GALNT6: variants seen among roughly 807,000 people sequenced by gnomAD.
GALNT6 encodes the protein polypeptide N-acetylgalactosaminyltransferase 6, also known as GalNAc transferase 6.
A neutral mutation model predicts 65.9 loss-of-function variants in GALNT6; 51 were observed. That is an observed-to-expected ratio of 0.77 (90% confidence interval 0.62 to 0.98). The LOEUF (loss-of-function observed/expected upper bound fraction) is 0.98. GALNT6 is among the 50% of genes least tolerant of loss of function. GALNT6 has a pLI of 0.00. For synonymous variants in GALNT6, 323 were observed against 315.1 expected (o/e 1.02, Z -0.26); for missense variants, 708 against 803.3 (o/e 0.88, Z 1.43).
In GALNT6 at chr12:51,359,265, T is replaced by C. The variant is rs765176939; in HGVS notation, c.1235A>G (p.Lys412Arg). ...CSVVGHVFRT[K>R]SPHTFPKGTS... ...GCCCTTGGGGAAGGTGTGGGGGCTC[T>C]TGGTCCGGAACACATGGCCTACGAC... Residue 412 changes from lysine (K) to arginine (R), a missense_variant, in exon 8 of 12, where the codon AAG becomes AGG. By Grantham distance (26) the Lys-to-Arg change is conservative (BLOSUM62 2). Transcript: ENST00000356317. The C allele has an allele frequency of 6.2e-7, 1 of 1,614,154 alleles. No individual in the cohort carries two copies. Among genetic ancestry groups the C allele is most frequent in the African/African-American group, 1.3e-5 (1 of 75,056 alleles).
intron 6 of GALNT6, 26 bp downstream of exon 6, chr12:51,364,095 G>A (rs762477181): frequency 2.0e-6 from 3 of 1,534,784 alleles, no homozygotes; most frequent in Non-Finnish European, 2.7e-6. Flanking sequence ...GGCCAGGTTG[G>A]GGGCTCACCA....
At chr12:51,384,698 A>G (rs1007029865) in intron 2 of GALNT6, among the ~76,000 whole-genome samples, 11 of 150,998 alleles carry the variant, frequency 7.3e-5, no homozygotes, top group African/African-American at 2.7e-4. Flanking sequence ...TCTCAAAAAA[A>G]AAAAAAAAAA....
chr12:51,389,703 C>T (rs1003337306), intron 2 of GALNT6, among the ~76,000 whole-genome samples: 2 of 152,234 alleles, frequency 1.3e-5, no homozygotes, highest in East Asian at 3.8e-4. Flanking sequence ...TTAGCTGCCC[C>T]TCCTGGTCCT....
At chr12:51,382,447 G>C (rs112862854) in intron 2 of GALNT6, 1 of 153,052 alleles carries the variant, frequency 6.5e-6, no homozygotes, top group South Asian at 2.1e-4. Flanking sequence ...ACTAACTGGC[G>C]AGTAGGAGTC....
rs201689030 is a variant in GALNT6 at position 51,357,402 on chromosome 12, G to T, written c.1549C>A (p.Arg517Ser). 1 of 1,614,066 alleles carries T rather than the reference G, an allele frequency of 6.2e-7. No homozygotes were observed. The highest frequency in any genetic ancestry group is 1.1e-5 in the South Asian group (1 of 91,080). Reference protein sequence around the residue: ...NQCLDVGENNRGGKPLIMYSC... With the variant: ...NQCLDVGENNSGGKPLIMYSC... Reference sequence around the variant, plus strand: ...TACATGATGAGGGGCTTCCCCCCGCGGTTGTTCTCACCCACATCCAGGCAT... The same window carrying T: ...TACATGATGAGGGGCTTCCCCCCGCTGTTGTTCTCACCCACATCCAGGCAT... The change falls in exon 10 of 12, where the codon CGC becomes AGC. Residue 517 changes from arginine to serine, a missense_variant. Arg to Ser is a moderately radical substitution (Grantham distance 110). Coordinates refer to ENST00000356317, the MANE Select transcript of GALNT6 (RefSeq NM_007210.4).
At chr12:51,364,398 C>T (rs920274872) in intron 5 of GALNT6, 43 bp from the exon 6 acceptor site, 6 of 1,358,862 alleles carry the variant, frequency 4.4e-6, no homozygotes, top group African/African-American at 1.4e-5. Flanking sequence ...GCCCTGCCCA[C>T]AGCAGAGCCC....
chr12:51,359,076 G>T, intron 8 of GALNT6, 56 bp downstream of exon 8: 2 of 1,394,930 alleles, frequency 1.4e-6, no homozygotes, highest in East Asian at 2.3e-5. Context: ...CATGAACAGG[G>T]TCTGGGGGCC....
intron 3 of GALNT6, among the ~76,000 whole-genome samples, chr12:51,379,037 T>G (rs530592239): frequency 6.6e-6 from 1 of 152,244 alleles, no homozygotes; most frequent in African/African-American, 2.4e-5. Flanking sequence ...TTCCACATCA[T>G]CTCACTTTCA....
At chr12:51,359,506 C>G (rs1263199141) in intron 7 of GALNT6, 174 bp from the exon 8 acceptor site, 3 of 534,880 alleles carry the variant, frequency 5.6e-6, no homozygotes, top group Non-Finnish European at 1.0e-5. Flanking sequence ...TAGGCCATGA[C>G]TACACGATCC....
Position 51,354,426 on chromosome 12 carries a change from C to A in GALNT6, c.1822G>T (p.Ala608Ser). The change falls in exon 12 of 12, where the codon GCC (alanine) becomes TCC (serine). Residue 608 changes from alanine (A) to serine (S), a missense_variant. Physicochemically the swap from Ala to Ser is moderately conservative, Grantham distance 99. Transcript: ENST00000356317. Reference protein sequence around the residue: ...LTSQDKKPAMAPCNPSDPHQL... With the variant: ...LTSQDKKPAMSPCNPSDPHQL... ...TGGGGGTCACTGGGATTGCAGGGGG[C>A]CATGGCTGGCTTTTTGTCCTGGGAT... The A allele has an allele frequency of 6.3e-7, 1 of 1,591,334 alleles. No individual in the cohort carries two copies. Among genetic ancestry groups the A allele is most frequent in the Non-Finnish European group, 8.5e-7 (1 of 1,171,218 alleles).
intron 2 of GALNT6, among the ~76,000 whole-genome samples, chr12:51,390,378 G>T (rs1181515871): frequency 2.0e-5 from 3 of 151,888 alleles, no homozygotes; most frequent in African/African-American, 7.3e-5. Flanking sequence ...TGGCCAGGCT[G>T]GTCTCGAACT....
chr12:51,376,507 C>T (rs1288572963), intron 4 of GALNT6, among the ~76,000 whole-genome samples: 8 of 151,962 alleles, frequency 5.3e-5, no homozygotes, highest in Non-Finnish European at 1.0e-4. Flanking sequence ...GTGGCACATG[C>T]CTGTAATCCC....
Position 51,360,858 on chromosome 12 carries a change from A to G in GALNT6, c.1050-20T>C. The G allele has an allele frequency of 1.3e-6, 2 of 1,517,840 alleles. No homozygotes were observed. Among genetic ancestry groups the G allele is most frequent in the Non-Finnish European group, 1.8e-6 (2 of 1,092,660 alleles). 94.0% of individuals were successfully genotyped at this position (1,517,840 alleles called of 1,614,324 possible). ...GGGGATCTGGAGAGACAGAGGGAGAAGTGTGTGCATCTTCTGGGAGAGGAG... is the reference window on the plus strand; with the variant it reads ...GGGGATCTGGAGAGACAGAGGGAGAGGTGTGTGCATCTTCTGGGAGAGGAG... On this transcript the variant is annotated intron_variant, in intron 6 of 11. Transcript: ENST00000356317.
chr12:51,372,847 G>A (rs143041605), intron 4 of GALNT6, among the ~76,000 whole-genome samples: 8 of 152,306 alleles, frequency 5.3e-5, no homozygotes, highest in South Asian at 2.1e-4. Flanking sequence ...CCAAGGCTAC[G>A]GGAGCCCACC....
At position 51,360,724 on chromosome 12, in the gene GALNT6, G is replaced by A; in HGVS notation, c.1164C>T (p.Phe388=). The A allele has an allele frequency of 2.5e-6, 4 of 1,580,642 alleles. No homozygotes were observed. The highest frequency in any genetic ancestry group is 3.5e-6 in the Non-Finnish European group (4 of 1,149,608). Residue 388 remains phenylalanine (F), a synonymous_variant, in exon 7 of 12, where the codon TTC becomes TTT. Coordinates refer to ENST00000356317, the MANE Select transcript of GALNT6 (RefSeq NM_007210.4). The part of the protein sequence containing the change: ...IWGGENVEMS[F]RVWQCGGQLE... Reference sequence around the variant, plus strand: ...CCAAAGCCCTCTTCACTCTCACCCGGAAGGACATTTCCACGTTCTCCCCTC... The same window carrying A: ...CCAAAGCCCTCTTCACTCTCACCCGAAAGGACATTTCCACGTTCTCCCCTC...
chr12:51,377,414 AC>A, intron 3 of GALNT6, 47 bp from the exon 4 acceptor site: 1 of 1,572,406 alleles, frequency 6.4e-7, no homozygotes, highest in Non-Finnish European at 8.7e-7. Context: ...CCCTGGGAGT[AC>A]CAGGTGTGGG....
At chr12:51,380,004 A>G (rs1947610589) in intron 2 of GALNT6, 120 bp from the exon 3 acceptor site, 1 of 562,390 alleles carries the variant, frequency 1.8e-6, no homozygotes, top group Non-Finnish European at 3.2e-6. Flanking sequence ...ATTGGCCACA[A>G]CTTTCCCATA....
intron 2 of GALNT6, among the ~76,000 whole-genome samples, chr12:51,380,416 A>G (rs988583568): frequency 6.6e-6 from 1 of 152,238 alleles, no homozygotes; most frequent in African/African-American, 2.4e-5. Context: ...ATGACCAAGA[A>G]TGAACCACTT....
chr12:51,390,156 C>CTTTCTTTTTTTTTTTTTTTTT (rs1413158644), intron 2 of GALNT6, among the ~76,000 whole-genome samples: 2 of 116,322 alleles, frequency 1.7e-5, no homozygotes, highest in East Asian at 2.7e-4. Context: ...TTCTTTCTTT[C>CTTTCTTTTTTTTTTTTTTTTT]TTTTTTTTTT....
Sources: allele counts gnomAD v4.1 joint callset (sites outside exome capture counted in the v4.1 genomes callset), GRCh38; gene constraint gnomAD v4.1.1; transcripts MANE v1.5; gene names NCBI Gene and HGNC (gene_info 2026-07-23, HGNC 2026-07-21).